BPI: variants seen among roughly 807,000 people sequenced by gnomAD.
BPI encodes bactericidal permeability-increasing protein.
In BPI, 48 loss-of-function variants were observed where a neutral mutation model predicts 57.6. The observed-to-expected ratio is 0.83, with a 90% CI of 0.66 to 1.06. The LOEUF is 1.06. Among genes scored for constraint, BPI ranks in the 50% least tolerant of loss-of-function variants. The pLI is 0.00. For missense variants in BPI, 651 were observed against 609.7 expected, an observed-to-expected ratio of 1.07 and a Z score of -0.71; for synonymous variants, 237 against 238.2, an observed-to-expected ratio of 0.99 and a Z score of 0.05.
chr20:38,327,209 A>G (rs1408662961), intron 10 of BPI, among the ~76,000 whole-genome samples: 1 of 152,204 alleles, frequency 6.6e-6, no homozygotes, highest in Non-Finnish European at 1.5e-5. Flanking sequence ...AATAGGTCCT[A>G]AGAGGTCATC....
At chr20:38,314,845 G>A (rs570441917) in intron 5 of BPI, among the ~76,000 whole-genome samples, 10 of 133,398 alleles carry the variant, frequency 7.5e-5, no homozygotes, top group Non-Finnish European at 1.5e-4. Flanking sequence ...TGATGGTAAT[G>A]GTGGAGATGA....
In BPI at chr20:38,335,712, G is replaced by T. The variant is rs549853571; in HGVS notation, c.1413+38G>T. The T allele has an allele frequency of 1.9e-6, 3 of 1,589,960 alleles. No homozygotes were observed. In the East Asian group the frequency reaches 6.7e-5, roughly 36 times the overall value. On this transcript the variant is annotated intron_variant, in intron 14 of 14. Coordinates refer to ENST00000642449, the MANE Select transcript of BPI (RefSeq NM_001725.3). ...GTCTTTTCCACAAATCTCCCCTAACGATAGTGACCAACAGCAGCCTATGGC... is the reference window on the plus strand; with the variant it reads ...GTCTTTTCCACAAATCTCCCCTAACTATAGTGACCAACAGCAGCCTATGGC...
intron 12 of BPI, 59 bp downstream of exon 12, chr20:38,331,149 A>G (rs954800607): frequency 2.4e-5 from 37 of 1,560,504 alleles, no homozygotes; most frequent in Non-Finnish European, 2.6e-5. Flanking sequence ...GGGGAGGGGG[A>G]CATGTCATAG....
intron 11 of BPI, among the ~76,000 whole-genome samples, chr20:38,329,103 C>A (rs1374255301): frequency 6.6e-6 from 1 of 151,604 alleles, no homozygotes; most frequent in African/African-American, 2.4e-5. Context: ...GACAGAGACA[C>A]AGAGAGTGAC....
intron 5 of BPI, among the ~76,000 whole-genome samples, chr20:38,315,214 G>A (rs2076646480): frequency 6.6e-6 from 1 of 152,270 alleles, no homozygotes; most frequent in African/African-American, 2.4e-5. Context: ...AAGTAATAGT[G>A]CTTGGATTCA....
intron 6 of BPI, 93 bp from the exon 7 acceptor site, chr20:38,320,089 CT>C: frequency 9.1e-7 from 1 of 1,100,680 alleles, no homozygotes; most frequent in East Asian, 2.4e-5. Context: ...CACTGCAGCT[CT>C]TGATTCAATT....
rs2076699022 is a variant in BPI, at chr20:38,323,890, C to A, written c.777C>A (p.Asn259Lys). 1 of 1,614,024 alleles carries A rather than the reference C, an allele frequency of 6.2e-7. No individual in the cohort carries two copies. The highest frequency in any genetic ancestry group is 1.7e-5 in the Admixed American group (1 of 60,002). ...VQMKGEFYSENHHNPPPFAPP... is the reference protein window; with the variant it reads ...VQMKGEFYSEKHHNPPPFAPP... ...CCCAGGGGGAGTTTTACAGTGAGAA[C>A]CACCACAATCCACCTCCCTTTGCTC... Residue 259 changes from asparagine (N) to lysine (K), a missense_variant, in exon 8 of 15, where the codon AAC (asparagine) becomes AAA (lysine). Asn to Lys is a moderately conservative substitution (Grantham distance 94). Coordinates refer to ENST00000642449, the MANE Select transcript of BPI (RefSeq NM_001725.3).
intron 6 of BPI, 47 bp downstream of exon 6, chr20:38,318,523 G>A (rs369193795): frequency 2.1e-5 from 33 of 1,589,960 alleles, no homozygotes; most frequent in Admixed American, 6.7e-5. Context: ...AGAAATGGGA[G>A]GGGGTGAGGA....
intron 7 of BPI, among the ~76,000 whole-genome samples, chr20:38,321,406 C>A (rs937762234): frequency 2.6e-5 from 4 of 152,084 alleles, no homozygotes; most frequent in African/African-American, 9.7e-5. Context: ...AGCTTCCTCT[C>A]ACCTCAGGGC....
At chr20:38,313,086 G>A (rs747393255) in intron 5 of BPI, among the ~76,000 whole-genome samples, 13 of 152,108 alleles carry the variant, frequency 8.5e-5, no homozygotes, top group Non-Finnish European at 1.5e-4. Flanking sequence ...TTTACCATCT[G>A]TAAAATGGGG....
chr20:38,334,297 GT>G, intron 12 of BPI, 132 bp from the exon 13 acceptor site: 1 of 843,040 alleles, frequency 1.2e-6, no homozygotes, highest in Non-Finnish European at 2.0e-6. Context: ...CCTCTCAGCA[GT>G]TTTCCCAACT....
intron 5 of BPI, among the ~76,000 whole-genome samples, chr20:38,313,416 G>T: frequency 7.0e-6 from 1 of 143,760 alleles, no homozygotes; most frequent in African/African-American, 2.6e-5. Context: ...AAAAAAAAGG[G>T]TAGGGGGGAC....
At position 38,326,445 on chromosome 20, in the gene BPI, T is replaced by C; in HGVS notation, c.1161+13T>C. 6.2e-7 allele frequency: 1 copy of C among 1,609,630 alleles called. No homozygotes were observed. The highest frequency in any genetic ancestry group is 8.5e-7 in the Non-Finnish European group (1 of 1,177,806). ...CCTGATTGGCATGGTAAGCAGTTCC[T>C]GGGTTGGACAGATGAGGAGCCCCAG... On this transcript the variant is annotated intron_variant, in intron 10 of 14. Coordinates refer to ENST00000642449, the MANE Select transcript of BPI (RefSeq NM_001725.3).
chr20:38,324,103 C>T (rs1484902459), intron 8 of BPI, 57 bp downstream of exon 8: 21 of 1,566,074 alleles, frequency 1.3e-5, no homozygotes, highest in Non-Finnish European at 8.7e-6. Context: ...ATCCTGCAGA[C>T]CTTCCAGACA....
In BPI at chr20:38,307,459, C is replaced by T. The variant is rs551202906; in HGVS notation, c.131-108C>T. The T allele has an allele frequency of 3.6e-5, 27 of 746,202 alleles. No individual in the cohort carries two copies. In the South Asian group the frequency reaches 4.9e-4, roughly 13 times the overall value. 46.2% of individuals were successfully genotyped at this position (746,202 alleles called of 1,614,324 possible). On this transcript the variant is annotated intron_variant, in intron 1 of 14. Transcript: ENST00000642449. ...ATCCCTGTTTTTGACCCTTCCAGTGCCACTGTCCATGCTACGAACAGGGGC... is the reference window on the plus strand; with the variant it reads ...ATCCCTGTTTTTGACCCTTCCAGTGTCACTGTCCATGCTACGAACAGGGGC...
intron 11 of BPI, among the ~76,000 whole-genome samples, 200 bp from the exon 12 acceptor site, chr20:38,330,848 G>A (rs1247149757): frequency 2.0e-5 from 3 of 152,308 alleles, no homozygotes; most frequent in South Asian, 2.1e-4. Flanking sequence ...CTCAGTGTGG[G>A]GTCAACGGCA....
chr20:38,325,724 T>C (rs911190095), intron 9 of BPI, among the ~76,000 whole-genome samples: 2 of 152,018 alleles, frequency 1.3e-5, no homozygotes, highest in Admixed American at 6.5e-5. Flanking sequence ...GAAGCTCTGG[T>C]TGGGGGGAGA....
rs2076699459 is a variant in BPI at position 38,323,947 on chromosome 20, C to T, written c.834C>T (p.Asp278=). ...TGATGGAGTTTCCCGCTGCCCATGA[C>T]CGCATGGTATACCTGGGCCTCTCAG... ...PPVMEFPAAH[D]RMVYLGLSDY... Residue 278 remains aspartate, a synonymous_variant, in exon 8 of 15, where the codon GAC becomes GAT. Transcript: ENST00000642449. The T allele has an allele frequency of 6.2e-7, 1 of 1,614,072 alleles. No homozygotes were observed. The highest frequency in any genetic ancestry group is 8.5e-7 in the Non-Finnish European group (1 of 1,180,036).
chr20:38,317,584 C>A (rs2076658197), intron 5 of BPI: 2 of 710,262 alleles, frequency 2.8e-6, no homozygotes, highest in Non-Finnish European at 2.6e-6. Flanking sequence ...TATGACCTCA[C>A]CTCTGAAGTT....
Sources: gnomAD v4.1 joint callset for allele counts (sites outside exome capture counted in the v4.1 genomes callset) on GRCh38, gnomAD v4.1.1 for gene constraint, MANE v1.5 for transcripts, NCBI Gene and HGNC (gene_info 2026-07-23, HGNC 2026-07-21) for gene names.